ARHGAP32: variants seen among roughly 807,000 people sequenced by gnomAD.
The protein encoded by ARHGAP32 is Rho GTPase activating protein 32.
Under a neutral mutation model 186.5 loss-of-function variants are expected in ARHGAP32, and 51 were observed. That is an observed-to-expected ratio of 0.27 (90% CI 0.22 to 0.35). The LOEUF is 0.35. ARHGAP32 is among the 10% of genes least tolerant of loss of function. The probability of loss-of-function intolerance (pLI) is 1.00; values close to 1 mark genes in which losing one functional copy is unlikely to be tolerated. For synonymous variants in ARHGAP32, 950 were observed against 964.3 expected (o/e 0.99, Z 0.27); for missense variants, 2,186 against 2,623.5 (o/e 0.83, Z 3.64).
At chr11:129,238,893 G>C (rs1944978218) in intron 1 of ARHGAP32, among the ~76,000 whole-genome samples, 2 of 152,032 alleles carry the variant, frequency 1.3e-5, no homozygotes, top group African/African-American at 4.8e-5. Flanking sequence ...GGGGTGCAGT[G>C]GTGTAATCTC....
rs369657717 is a variant in ARHGAP32, at chr11:128,969,919, C to T, written c.5294G>A (p.Arg1765His). 9.3e-6 allele frequency: 15 copies of T among 1,614,180 alleles called. No individual in the cohort carries two copies. Among genetic ancestry groups the T allele is most frequent in the East Asian group, 8.9e-5 (4 of 44,884 alleles). ...SWDLEDMEKY[R>H]MQSIRRESRA... ...GCTCTCTCTCCGGATGGACTGCATG[C>T]GGTATTTTTCCATGTCCTCAAGATC... Residue 1765 changes from arginine to histidine, a missense_variant, in exon 23 of 23, where the codon CGC becomes CAC. Transcript: ENST00000682385. The surrounding 1 kb of genome is among the most constrained non-coding windows in gnomAD (Gnocchi z 4.8).
At chr11:129,024,358 T>C (rs1938739698) in intron 11 of ARHGAP32, among the ~76,000 whole-genome samples, 2 of 152,252 alleles carry the variant, frequency 1.3e-5, no homozygotes, top group Non-Finnish European at 2.9e-5. Flanking sequence ...AGTTAATTGC[T>C]TTTCAGTTGT....
At chr11:129,203,487 C>A (rs539742166) in intron 1 of ARHGAP32, among the ~76,000 whole-genome samples, 1 of 152,020 alleles carries the variant, frequency 6.6e-6, no homozygotes, top group South Asian at 2.1e-4. Context: ...ATCTATAGGA[C>A]TGAAAGAAGA....
intron 1 of ARHGAP32, among the ~76,000 whole-genome samples, chr11:129,199,230 C>G (rs1321061516): frequency 6.6e-6 from 1 of 152,218 alleles, no homozygotes; most frequent in Non-Finnish European, 1.5e-5. Context: ...AAGAAAAACC[C>G]ATTTTCCAAG....
Position 128,974,191 on chromosome 11 carries a change from T to G in ARHGAP32, c.3006A>C (p.Pro1002=). The G allele has an allele frequency of 6.2e-7, 1 of 1,614,248 alleles. No individual in the cohort carries two copies. The highest frequency in any genetic ancestry group is 8.5e-7 in the Non-Finnish European group (1 of 1,180,038). The change falls in exon 21 of 23, where the codon CCA becomes CCC. Residue 1002 remains proline, a synonymous_variant. Transcript: ENST00000682385. ...DQVAAEEVEL[P]GKEDQSVSSS... ...TTGAGACAGACTGATCCTCTTTCCC[T>G]GGCAATTCTACTTCTTCAGCAGCCA...
chr11:129,212,966 CA>C (rs1944599326), intron 1 of ARHGAP32, among the ~76,000 whole-genome samples: 1 of 151,446 alleles, frequency 6.6e-6, no homozygotes, highest in Admixed American at 6.6e-5. Flanking sequence ...TTTGGGCTAC[CA>C]AACATGATTA....
At chr11:129,231,397 A>G (rs1241612048) in intron 1 of ARHGAP32, among the ~76,000 whole-genome samples, 3 of 152,160 alleles carry the variant, frequency 2.0e-5, no homozygotes, top group Non-Finnish European at 2.9e-5. Context: ...AATGCTTGGA[A>G]TATCTTCAAC....
chr11:129,256,138 C>T (rs1945251333), intron 1 of ARHGAP32, among the ~76,000 whole-genome samples: 1 of 151,998 alleles, frequency 6.6e-6, no homozygotes, highest in Non-Finnish European at 1.5e-5. Flanking sequence ...AAAACAAATC[C>T]ATGCTGTTAG....
rs371162599 is a variant in ARHGAP32, at chr11:129,123,446, C to T, written c.444G>A (p.Gln148=). Residue 148 remains glutamine (Q), a splice_region_variant and synonymous_variant, in exon 5 of 23, where the codon CAG becomes CAA. Transcript: ENST00000682385. The surrounding 1 kb of genome is among the most constrained non-coding windows in gnomAD (Gnocchi z 4.6). ...AGATGTAAGAAATATTTCAGTATAC[C>T]TGTATGCTGCCGAACTCAACATTCT... ...HYENVEFGSI[Q]LSLSEEQNEV... 6.2e-7 allele frequency: 1 copy of T among 1,610,578 alleles called. No homozygotes were observed. The highest frequency in any genetic ancestry group is 8.5e-7 in the Non-Finnish European group (1 of 1,177,398).
intron 2 of ARHGAP32, among the ~76,000 whole-genome samples, chr11:129,152,328 C>T (rs967559235): frequency 1.7e-4 from 26 of 152,140 alleles, no homozygotes; most frequent in African/African-American, 5.8e-4. Context: ...TGGTACCAAT[C>T]TTAGTGAAAC....
In ARHGAP32 at chr11:129,237,319, G is replaced by A. The variant is rs187831383; in HGVS notation, c.-5+41827C>T. ...TTTAAAGAAATACAAATTTCCCTTT[G>A]TTTATAACTCATTCATCAGTTAAAC... On this transcript the variant is annotated intron_variant, in intron 1 of 6. Coordinates refer to the ARHGAP32 transcript ENST00000525234. Among the ~76,000 whole-genome samples, 3 of 152,130 alleles carry A rather than the reference G, an allele frequency of 2.0e-5. No individual in the cohort carries two copies. In the East Asian group the frequency reaches 5.8e-4, roughly 29 times the overall value.
rs1423351911 is a variant in ARHGAP32 at position 128,967,161 on chromosome 11, A to T, written c.*1746T>A. The stretch of plus-strand genomic sequence containing the variant: ...CAATGTGTTGTTCTTGAAACATTTT[A>T]TTTTTTTCTAAATATAAACCCTTAA... On this transcript the variant is annotated 3_prime_UTR_variant, in exon 23 of 23. Coordinates refer to ENST00000682385, the MANE Select transcript of ARHGAP32 (RefSeq NM_001378024.1). 6.6e-6 allele frequency: 1 copy of T among 152,124 alleles called. No homozygotes were observed. Among genetic ancestry groups the T allele is most frequent in the Non-Finnish European group, 1.5e-5 (1 of 68,000 alleles). 9.4% of individuals were successfully genotyped at this position (152,124 alleles called of 1,614,324 possible).
At chr11:129,264,161 T>A (rs1459940793) in intron 1 of ARHGAP32, among the ~76,000 whole-genome samples, 2 of 152,170 alleles carry the variant, frequency 1.3e-5, no homozygotes, top group Non-Finnish European at 2.9e-5. Flanking sequence ...TTGTACAGTA[T>A]AATCCCATGT....
upstream of ARHGAP32, among the ~76,000 whole-genome samples, chr11:129,193,597 ATATATAATATATAATATATGT>A (rs1944327889): frequency 2.9e-5 from 1 of 34,004 alleles, no homozygotes; most frequent in African/African-American, 1.2e-4. Flanking sequence ...AATATATGTT[ATATATAATATATAATATATGT>A]TATATAATAT....
intron 1 of ARHGAP32, among the ~76,000 whole-genome samples, chr11:129,229,854 C>G (rs112585784): frequency 0.02 from 2,985 of 152,126 alleles, 49 homozygotes; most frequent in African/African-American, 0.042. Flanking sequence ...CAGGGTCTCA[C>G]TCACCCAAGC....
At chr11:129,069,118 ATT>A (rs2135168082) in intron 6 of ARHGAP32, among the ~76,000 whole-genome samples, 1 of 152,206 alleles carries the variant, frequency 6.6e-6, no homozygotes, top group South Asian at 2.1e-4. Flanking sequence ...ATTTGAAAAC[ATT>A]TAGGTACAGC....
intron 1 of ARHGAP32, among the ~76,000 whole-genome samples, chr11:129,230,066 C>T (rs931839274): frequency 6.6e-6 from 1 of 152,134 alleles, no homozygotes; most frequent in Non-Finnish European, 1.5e-5. Flanking sequence ...CTGCCTGTCT[C>T]GGCCTCCCAA....
At chr11:129,078,763 G>A (rs959282579) in intron 6 of ARHGAP32, among the ~76,000 whole-genome samples, 2 of 152,144 alleles carry the variant, frequency 1.3e-5, no homozygotes, top group African/African-American at 4.8e-5. Context: ...AAACTGCTGG[G>A]TTTAAAGGCG....
intron 1 of ARHGAP32, among the ~76,000 whole-genome samples, chr11:129,246,386 T>A (rs1443343831): frequency 2.0e-5 from 3 of 152,122 alleles, no homozygotes; most frequent in Non-Finnish European, 4.4e-5. Context: ...TATAAAAGCA[T>A]GAATAGTCCA....
Sources: allele counts gnomAD v4.1 joint callset (sites outside exome capture counted in the v4.1 genomes callset), GRCh38; gene constraint gnomAD v4.1.1; non-coding constraint Gnocchi (gnomAD v3.1); transcripts MANE v1.5; gene names NCBI Gene and HGNC (gene_info 2026-07-23, HGNC 2026-07-21).